The following MYOF variants were observed in gnomAD, a reference collection of about 807,000 sequenced individuals.
MYOF encodes myoferlin, also known as fer-1-like 3, myoferlin.
A neutral mutation model predicts 284.2 loss-of-function variants in MYOF; 244 were observed. The ratio of observed to expected loss-of-function variants is 0.86; its 90% confidence interval spans 0.77 to 0.95. The LOEUF (loss-of-function observed/expected upper bound fraction) is 0.95. MYOF is among the 40% of genes least tolerant of loss of function. The pLI is 0.00. For missense variants in MYOF, 2,496 were observed against 2,560.6 expected (o/e 0.97, Z 0.54); for synonymous variants, 904 against 919.7 (o/e 0.98, Z 0.31).
At chr10:93,428,804 GCTT>G (rs1848710646) in intron 4 of MYOF, among the ~76,000 whole-genome samples, 1 of 152,132 alleles carries the variant, frequency 6.6e-6, no homozygotes, top group Non-Finnish European at 1.5e-5. Context: ...GCACTGAAGG[GCTT>G]AGTTGCTAAA....
intron 26 of MYOF, among the ~76,000 whole-genome samples, chr10:93,364,937 C>A (rs1845259198): frequency 6.6e-6 from 1 of 152,218 alleles, no homozygotes; most frequent in Non-Finnish European, 1.5e-5. Context: ...AAAGCCCTGG[C>A]TGCTGCCTGT....
intron 5 of MYOF, 197 bp downstream of exon 5, chr10:93,425,874 C>T (rs1848567288): frequency 3.3e-6 from 2 of 600,576 alleles, no homozygotes; most frequent in Admixed American, 2.9e-5. Flanking sequence ...CACCCTTCCC[C>T]TCTACCTTGA....
At chr10:93,309,458 T>A (rs1175162051) in intron 53 of MYOF, among the ~76,000 whole-genome samples, 1 of 152,112 alleles carries the variant, frequency 6.6e-6, no homozygotes, top group Non-Finnish European at 1.5e-5. Flanking sequence ...AGGGGGAGGT[T>A]ATACGTGACA....
At chr10:93,323,796 T>C (rs1337940985) in intron 46 of MYOF, 1 of 161,576 alleles carries the variant, frequency 6.2e-6, no homozygotes, top group Non-Finnish European at 1.3e-5. Flanking sequence ...TGTCATTCTA[T>C]CCATCACATT....
At position 93,306,911 on chromosome 10, in the gene MYOF, G is replaced by A; in HGVS notation, c.*52C>T. 6.4e-7 allele frequency: 1 copy of A among 1,573,986 alleles called. No homozygotes were observed. Among genetic ancestry groups the A allele is most frequent in the Non-Finnish European group, 8.7e-7 (1 of 1,144,358 alleles). ...ATCACACTGGATGTTGGTCTACAGA[G>A]GCAGGATTCTCTCATTGCTGGATGA... On this transcript the variant is annotated 3_prime_UTR_variant, in exon 54 of 54. Coordinates refer to ENST00000359263, the MANE Select transcript of MYOF (RefSeq NM_013451.4).
At chr10:93,321,656 A>G (rs544773943) in intron 48 of MYOF, among the ~76,000 whole-genome samples, 18 of 152,226 alleles carry the variant, frequency 1.2e-4, no homozygotes, top group African/African-American at 4.3e-4. Flanking sequence ...AAGGGTCACC[A>G]TCATCCTACC....
At chr10:93,467,058 G>A (rs1476660175) in intron 1 of MYOF, among the ~76,000 whole-genome samples, 1 of 152,132 alleles carries the variant, frequency 6.6e-6, no homozygotes, top group African/African-American at 2.4e-5. Flanking sequence ...AGGAAACTGA[G>A]GATCAGGGTT....
At chr10:93,355,256 TTAAGA>T (rs1310008933) in intron 31 of MYOF, among the ~76,000 whole-genome samples, 1 of 152,230 alleles carries the variant, frequency 6.6e-6, no homozygotes, top group East Asian at 1.9e-4. Context: ...AAGAGTTTCC[TTAAGA>T]TAAGAGTTAC....
At chr10:93,342,950 CAG>C (rs1211159685) in intron 38 of MYOF, among the ~76,000 whole-genome samples, 2 of 152,142 alleles carry the variant, frequency 1.3e-5, no homozygotes, top group Non-Finnish European at 2.9e-5. Context: ...GTAGGATTCA[CAG>C]AGAGTAGAAT....
chr10:93,307,720 G>A (rs1842184786), intron 53 of MYOF, among the ~76,000 whole-genome samples: 1 of 150,838 alleles, frequency 6.6e-6, no homozygotes, highest in African/African-American at 2.4e-5. Flanking sequence ...TGCCTCGCAG[G>A]TTCAAGTGAT....
intron 12 of MYOF, among the ~76,000 whole-genome samples, chr10:93,400,343 T>TA (rs1847218080): frequency 6.8e-6 from 1 of 147,924 alleles, no homozygotes; most frequent in Non-Finnish European, 1.5e-5. Context: ...TTTTTTTTTT[T>TA]AAATAGAGAC....
chr10:93,351,172 G>A, intron 35 of MYOF, 25 bp downstream of exon 35: 1 of 1,603,530 alleles, frequency 6.2e-7, no homozygotes, highest in African/African-American at 1.3e-5. Flanking sequence ...TTGATTTGAT[G>A]AGTAACACGT....
In MYOF at chr10:93,387,801, A is replaced by G; in HGVS notation, c.1694T>C (p.Val565Ala). The part of the protein sequence containing the change: ...EPISNDDLLV[V>A]EKYQRRRKYS... ...TACTCACACTTTAACATTTACCTCA[A>G]CAACCAGCAGGTCATCATTTGAAAT... is the stretch of plus-strand genomic sequence containing the variant. The change falls in exon 19 of 54, where the codon GTT becomes GCT. Residue 565 changes from valine to alanine, a missense_variant. Coordinates refer to ENST00000359263, the MANE Select transcript of MYOF (RefSeq NM_013451.4). The G allele has an allele frequency of 6.2e-7, 1 of 1,613,146 alleles. No individual in the cohort carries two copies. Among genetic ancestry groups the G allele is most frequent in the Non-Finnish European group, 8.5e-7 (1 of 1,179,172 alleles).
chr10:93,341,202 C>G (rs1843890778), intron 38 of MYOF, among the ~76,000 whole-genome samples: 1 of 151,988 alleles, frequency 6.6e-6, no homozygotes, highest in African/African-American at 2.4e-5. Flanking sequence ...TCAATGGTTC[C>G]TGAGATCAGA....
intron 3 of MYOF, 55 bp downstream of exon 3, chr10:93,451,995 A>T: frequency 8.1e-7 from 1 of 1,238,312 alleles, no homozygotes; most frequent in Non-Finnish European, 1.2e-6. Flanking sequence ...CAACAAAATA[A>T]ACAACAGTGA....
intron 9 of MYOF, 115 bp downstream of exon 9, chr10:93,403,908 C>CTGAA (rs1434183730): frequency 2.9e-5 from 33 of 1,121,512 alleles, no homozygotes; most frequent in Non-Finnish European, 2.7e-6. Context: ...TGTCATCATG[C>CTGAA]TGAACCCTTA....
At position 93,482,256 on chromosome 10, in the gene MYOF, C is replaced by T; in HGVS notation, c.-62G>A. 2 of 1,329,034 alleles carry T rather than the reference C, an allele frequency of 1.5e-6. No homozygotes were observed. The highest frequency in any genetic ancestry group is 2.1e-6 in the Non-Finnish European group (2 of 931,092). The allele number at this position is 1,329,034 out of a possible 1,614,324, so 82.3% of individuals were successfully genotyped here. A position where few individuals can be genotyped will look rare whatever the true frequency, so the allele number is the denominator to read the frequency against. On this transcript the variant is annotated 5_prime_UTR_variant, in exon 1 of 54. Transcript: ENST00000359263. ...AAGTGGAGACTAGGGCGCTGGAGCT[C>T]CGGGTCGCACCGCCCTGGGAGAGAA...
chr10:93,375,411 C>G (rs1341944208), intron 22 of MYOF, among the ~76,000 whole-genome samples: 1 of 152,164 alleles, frequency 6.6e-6, no homozygotes, highest in Non-Finnish European at 1.5e-5. Flanking sequence ...ATGGGTGGGT[C>G]TCGAAGGTCT....
chr10:93,464,448 A>G (rs1357422109), intron 1 of MYOF, among the ~76,000 whole-genome samples: 1 of 152,184 alleles, frequency 6.6e-6, no homozygotes, highest in Admixed American at 6.5e-5. Flanking sequence ...AAGTAACACG[A>G]TGGTAACACA....
Sources: allele counts gnomAD v4.1 joint callset (sites outside exome capture counted in the v4.1 genomes callset), GRCh38; gene constraint gnomAD v4.1.1; transcripts MANE v1.5; gene names NCBI Gene and HGNC (gene_info 2026-07-23, HGNC 2026-07-21).